The following CTNNA3 variants were observed in gnomAD, a reference collection of about 807,000 sequenced individuals.
CTNNA3 encodes catenin alpha-3.
In CTNNA3, 76 loss-of-function variants were observed where a neutral mutation model predicts 95.7. The observed-to-expected ratio is 0.79, with a 90% CI of 0.66 to 0.96. The LOEUF is 0.96. CTNNA3 is among the 40% of genes least tolerant of loss of function. CTNNA3 has a pLI of 0.00. For missense variants in CTNNA3, 1,191 were observed against 1,089.8 expected, an observed-to-expected ratio of 1.09 and a Z score of -1.31; for synonymous variants, 431 against 374.4, an observed-to-expected ratio of 1.15 and a Z score of -1.74.
intron 7 of CTNNA3, among the ~76,000 whole-genome samples, chr10:66,922,165 T>G (rs1846821348): frequency 6.6e-6 from 1 of 152,212 alleles, no homozygotes; most frequent in South Asian, 2.1e-4. Flanking sequence ...TATAATTGTA[T>G]AAATCATTAA....
intron 13 of CTNNA3, among the ~76,000 whole-genome samples, chr10:66,184,177 T>C (rs1200681940): frequency 6.6e-6 from 1 of 152,058 alleles, no homozygotes; most frequent in Non-Finnish European, 1.5e-5. Flanking sequence ...TGGGCGCCTG[T>C]AATCCCAGCT....
intron 7 of CTNNA3, among the ~76,000 whole-genome samples, chr10:67,104,892 T>C (rs1045912871): frequency 6.6e-6 from 1 of 152,056 alleles, no homozygotes; most frequent in African/African-American, 2.4e-5. Context: ...TCTAGCACAC[T>C]GGATCTAATA....
chr10:66,953,406 A>G (rs1848636853), intron 7 of CTNNA3, among the ~76,000 whole-genome samples: 2 of 152,158 alleles, frequency 1.3e-5, no homozygotes, highest in Non-Finnish European at 2.9e-5. Context: ...ACATGAATCA[A>G]GGAGGTTTAT....
intron 7 of CTNNA3, among the ~76,000 whole-genome samples, chr10:67,137,441 T>C (rs767470066): frequency 7.2e-5 from 11 of 152,320 alleles, no homozygotes; most frequent in Non-Finnish European, 1.5e-4. Context: ...TGATTTGTCA[T>C]CTAACAAAGT....
chr10:67,448,768 T>C (rs1230005912), intron 5 of CTNNA3, among the ~76,000 whole-genome samples: 1 of 150,308 alleles, frequency 6.7e-6, no homozygotes, highest in Non-Finnish European at 1.5e-5. Flanking sequence ...TTAACTCGCA[T>C]AGGATTTCTT....
intron 13 of CTNNA3, among the ~76,000 whole-genome samples, chr10:66,183,677 T>C (rs183681871): frequency 6.6e-6 from 1 of 152,334 alleles, no homozygotes; most frequent in African/African-American, 2.4e-5. Context: ...TTTTCGAGAG[T>C]TTTTACCTAA....
chr10:65,972,904 GAA>G (rs3052085), intron 16 of CTNNA3, among the ~76,000 whole-genome samples: 28,643 of 139,768 alleles, frequency 0.2, 3,102 homozygotes, highest in East Asian at 0.39. Context: ...TCCTAAGGGG[GAA>G]AAAAAAAAAA....
intron 10 of CTNNA3, among the ~76,000 whole-genome samples, chr10:66,528,656 T>C (rs931926839): frequency 6.6e-6 from 1 of 152,148 alleles, no homozygotes; most frequent in African/African-American, 2.4e-5. Flanking sequence ...TTTCAGGTGT[T>C]TTACAGTCAC....
chr10:67,489,788 T>TTATATATATATATATATATATATATATA (rs372899542), intron 5 of CTNNA3, among the ~76,000 whole-genome samples: 1 of 142,462 alleles, frequency 7.0e-6, no homozygotes, highest in African/African-American at 2.8e-5. Context: ...ATACATGATT[T>TTATATATATATATATATATATATATATA]TATATATATA....
At chr10:66,273,976 T>C (rs1250340716) in intron 13 of CTNNA3, among the ~76,000 whole-genome samples, 2 of 151,504 alleles carry the variant, frequency 1.3e-5, no homozygotes, top group Non-Finnish European at 2.9e-5. Flanking sequence ...AATTCTAATA[T>C]TCAAATATTT....
rs12269662 is a variant in CTNNA3 at position 66,942,366 on chromosome 10, T to C, written c.1048-166842A>G. Among the ~76,000 whole-genome samples, 1,147 of 152,312 alleles carry C rather than the reference T, an allele frequency of 7.5e-3. 16 individuals are homozygous for C. The highest frequency in any genetic ancestry group is 0.026 in the African/African-American group (1,094 of 41,570). The stretch of plus-strand genomic sequence containing the variant: ...ATTTGCAAGCCCGTTATTAATATCC[T>C]TTAATGGACTTGCTCTATTAAGTAT... On this transcript the variant is annotated intron_variant, in intron 7 of 17. Coordinates refer to ENST00000433211, the MANE Select transcript of CTNNA3 (RefSeq NM_013266.4).
chr10:66,173,594 G>T (rs138298687), intron 13 of CTNNA3, among the ~76,000 whole-genome samples: 102 of 151,894 alleles, frequency 6.7e-4, no homozygotes, highest in Middle Eastern at 6.8e-3. Context: ...GAGACAGGAG[G>T]ATCACTTGAG....
At chr10:67,360,428 A>G (rs576602317) in intron 5 of CTNNA3, among the ~76,000 whole-genome samples, 1 of 152,006 alleles carries the variant, frequency 6.6e-6, no homozygotes, top group South Asian at 2.1e-4. Context: ...AAAAAAAAAA[A>G]AAAAAACAAG....
At chr10:66,226,979 T>C (rs899393402) in intron 13 of CTNNA3, among the ~76,000 whole-genome samples, 1 of 152,148 alleles carries the variant, frequency 6.6e-6, no homozygotes, top group African/African-American at 2.4e-5. Context: ...TTCCTATATA[T>C]AAGATCATGT....
chr10:66,504,309 G>T (rs1050459243), intron 11 of CTNNA3, among the ~76,000 whole-genome samples: 1 of 152,088 alleles, frequency 6.6e-6, no homozygotes, highest in Non-Finnish European at 1.5e-5. Context: ...TTAAAAACAC[G>T]TAGAACTTGT....
intron 10 of CTNNA3, among the ~76,000 whole-genome samples, chr10:66,613,434 A>T (rs1844399101): frequency 6.6e-6 from 1 of 152,016 alleles, no homozygotes; most frequent in Non-Finnish European, 1.5e-5. Flanking sequence ...TTGAATGAAG[A>T]GTTCCTTGGA....
chr10:66,435,668 C>A (rs2093331769), intron 11 of CTNNA3, among the ~76,000 whole-genome samples: 1 of 152,080 alleles, frequency 6.6e-6, no homozygotes, highest in African/African-American at 2.4e-5. Context: ...TTTTTTGTGT[C>A]TCTATCTCCT....
At chr10:67,388,776 A>T (rs1844315479) in intron 5 of CTNNA3, among the ~76,000 whole-genome samples, 1 of 152,108 alleles carries the variant, frequency 6.6e-6, no homozygotes, top group Non-Finnish European at 1.5e-5. Flanking sequence ...AAAGAAAAGA[A>T]TTTTCAACCC....
At position 67,469,497 on chromosome 10, in the gene CTNNA3, G is replaced by A. The variant is rs905090093; in HGVS notation, c.579+52345C>T. On this transcript the variant is annotated intron_variant, in intron 5 of 17. Transcript: ENST00000433211. ...CTGGAAACCATCATTCTCAGAAAAC[G>A]AACACAGGAAAACAGAAAACCAAAC... Among the ~76,000 whole-genome samples the A allele has an allele frequency of 6.0e-5, 9 of 148,998 alleles. No individual in the cohort carries two copies. The East Asian group carries it at 8.0e-4, about 13-fold the overall frequency.
Sources: allele counts gnomAD v4.1 joint callset (sites outside exome capture counted in the v4.1 genomes callset), GRCh38; gene constraint gnomAD v4.1.1; transcripts MANE v1.5; gene names NCBI Gene and HGNC (gene_info 2026-07-23, HGNC 2026-07-21).